The following CUL1 variants were observed in gnomAD, a reference collection of about 807,000 sequenced individuals.
CUL1 encodes cullin 1, also known as cullin-1.
A neutral mutation model predicts 118.0 loss-of-function variants in CUL1; 24 were observed. That is an observed-to-expected ratio of 0.20 (90% CI 0.15 to 0.29). The LOEUF is 0.29. Among genes scored for constraint, CUL1 ranks in the 10% least tolerant of loss-of-function variants. The pLI, the probability that CUL1 is intolerant of heterozygous loss-of-function variation, is 1.00. For synonymous variants in CUL1, 332 were observed against 340.4 expected (o/e 0.98, Z 0.27); for missense variants, 361 against 933.8 (o/e 0.39, Z 7.99).
chr7:148,720,036 A>G (rs954378683), intron 1 of CUL1, among the ~76,000 whole-genome samples: 2 of 152,240 alleles, frequency 1.3e-5, no homozygotes, highest in African/African-American at 2.4e-5. Flanking sequence ...CAGTGAAAGC[A>G]TTAAAGCTGT....
At chr7:148,742,782 A>G (rs1799188089) in intron 2 of CUL1, among the ~76,000 whole-genome samples, 1 of 151,848 alleles carries the variant, frequency 6.6e-6, no homozygotes, top group Admixed American at 6.6e-5. Context: ...TTGTATTTTT[A>G]GTAGAGACTG....
At position 148,788,624 on chromosome 7, in the gene CUL1, A is replaced by T; in HGVS notation, c.1547A>T (p.Asp516Val). Reference protein sequence around the residue: ...RMFQDIGVSKDLNEQFKKHLT... With the variant: ...RMFQDIGVSKVLNEQFKKHLT... ...TTTCAAGACATTGGCGTGAGCAAAG[A>T]TCTGAACGAGCAATTCAAAAAGCAC... is the stretch of plus-strand genomic sequence containing the variant. The change falls in exon 14 of 22, where the codon GAT (aspartate) becomes GTT (valine). Residue 516 changes from aspartate to valine, a missense_variant. Transcript: ENST00000325222. The T allele has an allele frequency of 6.2e-7, 1 of 1,614,216 alleles. No homozygotes were observed. The highest frequency in any genetic ancestry group is 8.5e-7 in the Non-Finnish European group (1 of 1,180,036).
intron 7 of CUL1, among the ~76,000 whole-genome samples, chr7:148,766,173 C>G (rs1563163159): frequency 6.6e-6 from 1 of 152,006 alleles, no homozygotes; most frequent in South Asian, 2.1e-4. Context: ...CTCTGTTGCC[C>G]AGGCTGAAAT....
intron 1 of CUL1, among the ~76,000 whole-genome samples, chr7:148,710,357 G>A (rs549218506): frequency 6.6e-6 from 1 of 152,084 alleles, no homozygotes; most frequent in East Asian, 2.0e-4. Flanking sequence ...ATCACCTGAG[G>A]TCAGGAGTTC....
At chr7:148,797,395 CAAA>C (rs5888340) in intron 17 of CUL1, among the ~76,000 whole-genome samples, 2 of 120,496 alleles carry the variant, frequency 1.7e-5, no homozygotes, top group Non-Finnish European at 1.7e-5. Flanking sequence ...ACATGATGCT[CAAA>C]AAAAAAAAAA....
chr7:148,724,778 A>G (rs894721779), intron 1 of CUL1, among the ~76,000 whole-genome samples: 2 of 152,204 alleles, frequency 1.3e-5, no homozygotes, highest in East Asian at 3.9e-4. Context: ...AACTCCTGCG[A>G]TGCCAAGGAT....
intron 1 of CUL1, among the ~76,000 whole-genome samples, chr7:148,724,484 G>T (rs1798496599): frequency 6.6e-6 from 1 of 152,178 alleles, no homozygotes; most frequent in Non-Finnish European, 1.5e-5. Context: ...ACTCATGCGG[G>T]CTCCGGGAGC....
intron 9 of CUL1, among the ~76,000 whole-genome samples, chr7:148,776,962 C>T (rs11764465): frequency 0.076 from 11,577 of 152,296 alleles, 525 homozygotes; most frequent in African/African-American, 0.11. Context: ...TCAGAGAAGT[C>T]AGTCTTCCCT....
chr7:148,787,223 G>A lies in CUL1; in HGVS notation c.1479+103G>A. ...CATGCCTGTAATCCCAGCACTTTGG[G>A]AGGCCGAGGCGGGCAGATCACGAGG... On this transcript the variant is annotated intron_variant, in intron 13 of 21. Transcript: ENST00000325222. This position sits in a 1 kb window ranked among gnomAD's most constrained non-coding sequence, Gnocchi z 5.5. 3.3e-6 allele frequency: 4 copies of A among 1,209,030 alleles called. No homozygotes were observed. Among genetic ancestry groups the A allele is most frequent in the Non-Finnish European group, 4.6e-6 (4 of 866,390 alleles). 74.9% of individuals were successfully genotyped at this position (1,209,030 alleles called of 1,614,324 possible).
At chr7:148,794,598 A>G (rs566440186) in intron 17 of CUL1, among the ~76,000 whole-genome samples, 2 of 152,314 alleles carry the variant, frequency 1.3e-5, no homozygotes, top group Admixed American at 6.5e-5. Context: ...CATTTCTACA[A>G]AAAGTGCAGT....
intron 9 of CUL1, among the ~76,000 whole-genome samples, chr7:148,779,896 C>G (rs990412584): frequency 1.3e-5 from 2 of 152,116 alleles, no homozygotes; most frequent in African/African-American, 4.8e-5. Flanking sequence ...AATCAGCTGC[C>G]AGCGAATATA....
At chr7:148,714,628 T>G (rs1333751191) in intron 1 of CUL1, among the ~76,000 whole-genome samples, 2 of 152,198 alleles carry the variant, frequency 1.3e-5, no homozygotes, top group African/African-American at 4.8e-5. Context: ...CTGTCTGTCT[T>G]CTCTGTAGTG....
At position 148,784,081 on chromosome 7, in the gene CUL1, TTAAA is replaced by T. The variant is rs1410443524; in HGVS notation, c.1298+6_1298+9del. The T allele has an allele frequency of 6.2e-7, 1 of 1,606,184 alleles. No homozygotes were observed. The highest frequency in any genetic ancestry group is 1.7e-5 in the Admixed American group (1 of 60,006). On this transcript the variant is annotated splice_donor_5th_base_variant and intron_variant, in intron 11 of 21. Transcript: ENST00000325222. ...GTGACTCCTTGTTGAAGAAAAGGTA[TTAAA>T]TGACCCTATGTTTTCTTAGTATGCC... is the stretch of plus-strand genomic sequence containing the variant.
At chr7:148,739,876 C>G (rs139458531) in intron 2 of CUL1, among the ~76,000 whole-genome samples, 1 of 152,238 alleles carries the variant, frequency 6.6e-6, no homozygotes, top group East Asian at 1.9e-4. Context: ...CTGTGATCCA[C>G]CTGGAGTTAA....
chr7:148,718,139 T>G (rs1163821800), intron 1 of CUL1, among the ~76,000 whole-genome samples: 1 of 152,246 alleles, frequency 6.6e-6, no homozygotes, highest in African/African-American at 2.4e-5. Context: ...TGCATTCCTT[T>G]CTGTGAATGA....
At position 148,800,459 on chromosome 7, in the gene CUL1, T is replaced by C; in HGVS notation, c.2251-43T>C. On this transcript the variant is annotated intron_variant, in intron 21 of 21. Coordinates refer to ENST00000325222, the MANE Select transcript of CUL1 (RefSeq NM_003592.3). The surrounding 1 kb of genome is among the most constrained non-coding windows in gnomAD (Gnocchi z 4.6). ...CTGTTCTGATGATAATTTGTGTTTT[T>C]CTTCTCTTTCACTACCTCTTCCTTT... The C allele has an allele frequency of 6.6e-6, 10 of 1,520,712 alleles. No homozygotes were observed. The highest frequency in any genetic ancestry group is 9.1e-6 in the Non-Finnish European group (10 of 1,095,920). 94.2% of individuals were successfully genotyped at this position (1,520,712 alleles called of 1,614,324 possible).
chr7:148,799,840 G>C (rs974843740), intron 21 of CUL1, among the ~76,000 whole-genome samples: 2 of 152,210 alleles, frequency 1.3e-5, no homozygotes, highest in Admixed American at 6.5e-5. Context: ...TTGCGGTATC[G>C]AGAAGCACTG....
intron 8 of CUL1, 140 bp downstream of exon 8, chr7:148,766,863 T>C (rs984562723): frequency 9.4e-6 from 7 of 746,310 alleles, no homozygotes; most frequent in Non-Finnish European, 1.5e-5. Flanking sequence ...TACATCGTTA[T>C]GTGCCAATTT....
chr7:148,791,112 G>A (rs1800990697), intron 16 of CUL1, among the ~76,000 whole-genome samples: 1 of 152,132 alleles, frequency 6.6e-6, no homozygotes, highest in Admixed American at 6.5e-5. Flanking sequence ...CTTGAGGCTA[G>A]GAGTTTGAGA....
Sources: gnomAD v4.1 joint callset for allele counts (sites outside exome capture counted in the v4.1 genomes callset) on GRCh38, gnomAD v4.1.1 for gene constraint, Gnocchi (gnomAD v3.1) non-coding constraint, MANE v1.5 for transcripts, NCBI Gene and HGNC (gene_info 2026-07-23, HGNC 2026-07-21) for gene names.